Variants in CPA6 observed in about 807,000 individuals in gnomAD.
The protein encoded by CPA6 is carboxypeptidase A6.
A neutral mutation model predicts 63.3 loss-of-function variants in CPA6; 58 were observed. That is an observed-to-expected ratio of 0.92 (90% confidence interval 0.74 to 1.14). The LOEUF (loss-of-function observed/expected upper bound fraction) is 1.14. Among genes scored for constraint, CPA6 ranks in the 50% most tolerant of loss-of-function variants. The pLI is 0.00. For synonymous variants in CPA6, 185 were observed against 179.0 expected, an observed-to-expected ratio of 1.03 and a Z score of -0.27; for missense variants, 565 against 526.6, an observed-to-expected ratio of 1.07 and a Z score of -0.71.
intron 2 of CPA6, among the ~76,000 whole-genome samples, chr8:67,614,419 A>G (rs921187485): frequency 6.6e-6 from 1 of 152,092 alleles, no homozygotes; most frequent in African/African-American, 2.4e-5. Flanking sequence ...CAGTGGGAAA[A>G]CTTTAACTGT....
At chr8:67,680,439 G>T (rs1442975905) in intron 1 of CPA6, among the ~76,000 whole-genome samples, 8 of 151,222 alleles carry the variant, frequency 5.3e-5, no homozygotes, top group African/African-American at 1.9e-4. Context: ...AGCCATGAAA[G>T]TGCCACTGCA....
intron 2 of CPA6, among the ~76,000 whole-genome samples, chr8:67,556,126 T>C (rs549190932): frequency 6.6e-6 from 1 of 152,360 alleles, no homozygotes; most frequent in East Asian, 1.9e-4. Context: ...TGTCAAGGTC[T>C]AGGCATAACT....
chr8:67,509,450 G>T, intron 5 of CPA6, 67 bp downstream of exon 5: 4 of 755,546 alleles, frequency 5.3e-6, no homozygotes, highest in Non-Finnish European at 9.1e-6. Flanking sequence ...TTTCCCATAG[G>T]TTAAAGTTGA....
At chr8:67,615,003 T>A (rs1412178252) in intron 2 of CPA6, among the ~76,000 whole-genome samples, 1 of 152,214 alleles carries the variant, frequency 6.6e-6, no homozygotes, top group East Asian at 1.9e-4. Context: ...TATTTAATAA[T>A]TAAATTCGAA....
intron 1 of CPA6, among the ~76,000 whole-genome samples, chr8:67,680,949 T>A (rs1816578849): frequency 6.6e-6 from 1 of 152,188 alleles, no homozygotes; most frequent in African/African-American, 2.4e-5. Flanking sequence ...TCTTTTTGGC[T>A]GGATTGAATG....
chr8:67,439,741 GATTTT>G (rs1193073917), intron 8 of CPA6, among the ~76,000 whole-genome samples: 3 of 152,104 alleles, frequency 2.0e-5, no homozygotes, highest in African/African-American at 7.2e-5. Context: ...TCAAATGACT[GATTTT>G]ATTTTATTTA....
chr8:67,668,744 G>A (rs971367447), intron 1 of CPA6, among the ~76,000 whole-genome samples: 4 of 152,282 alleles, frequency 2.6e-5, no homozygotes, highest in African/African-American at 7.2e-5. Context: ...ATTATACTAT[G>A]TATTAGGTAT....
chr8:67,527,063 C>T (rs988189115), intron 2 of CPA6, among the ~76,000 whole-genome samples: 1 of 152,190 alleles, frequency 6.6e-6, no homozygotes, highest in Non-Finnish European at 1.5e-5. Flanking sequence ...GATCACCTGG[C>T]ATGACCCATT....
At chr8:67,518,136 T>C (rs1812186562) in intron 2 of CPA6, 89 bp from the exon 3 acceptor site, 2 of 1,240,008 alleles carry the variant, frequency 1.6e-6, no homozygotes, top group African/African-American at 1.5e-5. Context: ...TTTGTTTGCA[T>C]ATAGTAACAC....
chr8:67,482,974 A>G (rs1811390775), intron 8 of CPA6, among the ~76,000 whole-genome samples: 1 of 152,180 alleles, frequency 6.6e-6, no homozygotes, highest in Non-Finnish European at 1.5e-5. Context: ...TCTCACATAG[A>G]ACCTAACCCT....
chr8:67,484,743 T>C lies in CPA6; in HGVS notation c.683A>G (p.Asn228Ser). The part of the protein sequence containing the change: ...KSDPAMRKML[N>S]HLYFYIMPVF... The stretch of plus-strand genomic sequence containing the variant: ...AGGCATGATATAGAAATATAGATGA[T>C]TCAACATTTTTCTCATGGCTGGGTC... The change falls in exon 7 of 11, where the codon AAT becomes AGT. Residue 228 changes from asparagine (N) to serine (S), a missense_variant. Asn to Ser is a conservative substitution (Grantham distance 46, BLOSUM62 1). Coordinates refer to ENST00000297770, the MANE Select transcript of CPA6 (RefSeq NM_020361.5). 6.2e-7 allele frequency: 1 copy of C among 1,610,724 alleles called. No homozygotes were observed. Among genetic ancestry groups the C allele is most frequent in the Non-Finnish European group, 8.5e-7 (1 of 1,177,040 alleles).
chr8:67,490,346 C>T (rs1447578949), intron 6 of CPA6, among the ~76,000 whole-genome samples: 2 of 152,082 alleles, frequency 1.3e-5, no homozygotes, highest in Non-Finnish European at 2.9e-5. Flanking sequence ...AGGAGATGCC[C>T]AATAATCAAG....
chr8:67,644,271 A>G (rs1221260231), intron 1 of CPA6, among the ~76,000 whole-genome samples: 2 of 152,018 alleles, frequency 1.3e-5, no homozygotes, highest in African/African-American at 2.4e-5. Context: ...GGCGCCCGCC[A>G]CCACGCCTGG....
chr8:67,590,076 T>G (rs998862340), intron 2 of CPA6, among the ~76,000 whole-genome samples: 1 of 151,764 alleles, frequency 6.6e-6, no homozygotes, highest in African/African-American at 2.4e-5. Flanking sequence ...AGTGTGATGT[T>G]CCCCTTCCTG....
rs1563968015 is a variant in CPA6 at position 67,475,879 on chromosome 8, CTCCTTT to C, written c.838+7883_838+7888del. ...TCTTTCTTTCTTTCTTTCTTTCTTT[CTCCTTT>C]CTTTCTTTCTTTCTTTCTTTCTTTC... On this transcript the variant is annotated intron_variant, in intron 8 of 10. Coordinates refer to ENST00000297770, the MANE Select transcript of CPA6 (RefSeq NM_020361.5). Among the ~76,000 whole-genome samples, 427 of 44,798 alleles carry C rather than the reference CTCCTTT, an allele frequency of 9.5e-3. 2 individuals are homozygous for C. The highest frequency in any genetic ancestry group is 0.014 in the Admixed American group (53 of 3,734). 29.4% of individuals were successfully genotyped at this position (44,798 alleles called of 152,430 possible).
At chr8:67,643,018 G>A (rs1815630416) in intron 1 of CPA6, among the ~76,000 whole-genome samples, 1 of 152,044 alleles carries the variant, frequency 6.6e-6, no homozygotes, top group South Asian at 2.1e-4. Flanking sequence ...CAAAAGGCAA[G>A]CCCTAGAGAG....
chr8:67,739,406 G>C (rs1817872089), intron 1 of CPA6, among the ~76,000 whole-genome samples: 1 of 152,196 alleles, frequency 6.6e-6, no homozygotes, highest in Admixed American at 6.5e-5. Context: ...GAGCTAGAAG[G>C]AAGTTCCAGA....
At chr8:67,635,918 G>C (rs1162513033) in intron 1 of CPA6, among the ~76,000 whole-genome samples, 1 of 151,556 alleles carries the variant, frequency 6.6e-6, no homozygotes, top group African/African-American at 2.4e-5. Flanking sequence ...CAAGGGACCA[G>C]AGTAGATGAC....
At chr8:67,496,519 T>TTATATATATA (rs1163959938) in intron 6 of CPA6, among the ~76,000 whole-genome samples, 31 of 94,106 alleles carry the variant, frequency 3.3e-4, no homozygotes, top group African/African-American at 1.0e-3. Flanking sequence ...ACTATATAGT[T>TTATATATATA]TATATATATA....
Sources: gnomAD v4.1 joint callset for allele counts (sites outside exome capture counted in the v4.1 genomes callset) on GRCh38, gnomAD v4.1.1 for gene constraint, MANE v1.5 for transcripts, NCBI Gene and HGNC (gene_info 2026-07-23, HGNC 2026-07-21) for gene names.